C10orf90: variants seen among roughly 807,000 people sequenced by gnomAD.
The protein encoded by C10orf90 is chromosome 10 open reading frame 90, also known as (E2-independent) E3 ubiquitin-conjugating enzyme FATS.
In C10orf90, 56 loss-of-function variants were observed where a neutral mutation model predicts 62.5. The ratio of observed to expected loss-of-function variants is 0.90; its 90% confidence interval spans 0.72 to 1.12. C10orf90 has a LOEUF of 1.12. Ranked by LOEUF, C10orf90 falls within the 50% of genes most tolerant of loss-of-function variation. The pLI is 0.00. For synonymous variants in C10orf90, 386 were observed against 340.4 expected, an observed-to-expected ratio of 1.13 and a Z score of -1.47; for missense variants, 970 against 880.4, an observed-to-expected ratio of 1.10 and a Z score of -1.29.
intron 2 of C10orf90, among the ~76,000 whole-genome samples, chr10:126,530,308 A>C (rs1447404318): frequency 6.6e-6 from 1 of 152,154 alleles, no homozygotes; most frequent in Non-Finnish European, 1.5e-5. Flanking sequence ...AACTTGACAA[A>C]GTTAAAAGGC....
Position 126,654,436 on chromosome 10 carries a change from C to T in C10orf90, c.241-7799G>A, listed in dbSNP as rs140350406. On this transcript the variant is annotated intron_variant, in intron 1 of 9. Transcript: ENST00000488181. ...AACCTCATGAACCAACCTCTGCTAG[C>T]TTCAAACTTTTTTTCTGTATCTTCC... is the stretch of plus-strand genomic sequence containing the variant. Among the ~76,000 whole-genome samples the T allele has an allele frequency of 3.6e-3, 554 of 152,312 alleles. 2 individuals carry two copies. Among genetic ancestry groups the T allele is most frequent in the African/African-American group, 0.013 (534 of 41,566 alleles).
intron 2 of C10orf90, among the ~76,000 whole-genome samples, chr10:126,613,354 A>G (rs747919575): frequency 6.6e-6 from 1 of 151,932 alleles, no homozygotes; most frequent in Non-Finnish European, 1.5e-5. Context: ...CCCCCACCTC[A>G]GTCTCCTGAG....
intron 2 of C10orf90, among the ~76,000 whole-genome samples, chr10:126,549,446 T>G (rs1864578259): frequency 6.6e-6 from 1 of 152,074 alleles, no homozygotes; most frequent in South Asian, 2.1e-4. Flanking sequence ...GAAATGCAAA[T>G]TAATACCACA....
chr10:126,459,130 C>CT lies in C10orf90; in HGVS notation c.2097dup (p.Ala700SerfsTer31). ...TGCCTCAGGTCCTCCTTCCGCTGGGCTTTCCTCTGCTGGACCATGTGTTCA... is the reference window on the plus strand; with the variant it reads ...TGCCTCAGGTCCTCCTTCCGCTGGGCTTTTCCTCTGCTGGACCATGTGTTCA... On this transcript the variant is annotated frameshift_variant, in exon 7 of 10. Transcript: ENST00000488181. LOFTEE classifies it high-confidence loss of function. 6.2e-7 allele frequency: 1 copy of CT among 1,614,198 alleles called. No homozygotes were observed. Among genetic ancestry groups the CT allele is most frequent in the Non-Finnish European group, 8.5e-7 (1 of 1,180,044 alleles).
intron 2 of C10orf90, among the ~76,000 whole-genome samples, chr10:126,549,087 A>T (rs2133975456): frequency 6.6e-6 from 1 of 152,342 alleles, no homozygotes; most frequent in East Asian, 1.9e-4. Flanking sequence ...AAATCTTTGG[A>T]ATCTAAGGCT....
intron 1 of C10orf90, among the ~76,000 whole-genome samples, chr10:126,669,479 T>C (rs532547607): frequency 6.6e-6 from 1 of 152,230 alleles, no homozygotes; most frequent in Non-Finnish European, 1.5e-5. Flanking sequence ...GCATGTTACA[T>C]CTATCAAAAG....
chr10:126,630,528 A>G (rs1393835567), intron 2 of C10orf90, among the ~76,000 whole-genome samples: 2 of 152,120 alleles, frequency 1.3e-5, no homozygotes, highest in Non-Finnish European at 2.9e-5. Flanking sequence ...GAAAGGACAG[A>G]AACTTCACTC....
At chr10:126,517,354 G>A (rs1863488642) in intron 2 of C10orf90, among the ~76,000 whole-genome samples, 1 of 152,174 alleles carries the variant, frequency 6.6e-6, no homozygotes, top group African/African-American at 2.4e-5. Flanking sequence ...AATTGCCCTG[G>A]TTAAAGAAAC....
intron 2 of C10orf90, chr10:126,520,246 C>G (rs1863667889): frequency 6.6e-6 from 1 of 152,248 alleles, no homozygotes; most frequent in Non-Finnish European, 1.5e-5. Context: ...AGCTGGTGAC[C>G]CCACCAGCCT....
At chr10:126,595,116 G>C (rs2576025) in intron 2 of C10orf90, among the ~76,000 whole-genome samples, 16,809 of 152,148 alleles carry the variant, frequency 0.11, 1,649 homozygotes, top group African/African-American at 0.24. Context: ...ATTTCCAGAA[G>C]TCTTTAGCCT....
chr10:126,666,841 A>T (rs1344312851), intron 1 of C10orf90, among the ~76,000 whole-genome samples: 4 of 151,566 alleles, frequency 2.6e-5, no homozygotes, highest in African/African-American at 4.8e-5. Flanking sequence ...TTAGCCGGGC[A>T]TGGTGGCGGG....
chr10:126,448,181 A>G (rs1858922246), intron 7 of C10orf90, among the ~76,000 whole-genome samples: 1 of 151,832 alleles, frequency 6.6e-6, no homozygotes, highest in Admixed American at 6.6e-5. Context: ...CATATCAAGT[A>G]TCTTTTCTCA....
At chr10:126,655,920 G>C (rs12774828) in intron 1 of C10orf90, among the ~76,000 whole-genome samples, 3,379 of 151,986 alleles carry the variant, frequency 0.022, 63 homozygotes, top group Middle Eastern at 0.041. Flanking sequence ...CCTGGGCCTG[G>C]GGGGGAGAAG....
intron 2 of C10orf90, among the ~76,000 whole-genome samples, chr10:126,564,917 TATATAATATATAAA>T (rs1315449784): frequency 3.3e-4 from 4 of 11,994 alleles, no homozygotes; most frequent in Non-Finnish European, 5.9e-4. Flanking sequence ...ATATATATTA[TATATAATATATAAA>T]ATATAAAATA....
chr10:126,592,591 T>C (rs746767232), intron 2 of C10orf90, among the ~76,000 whole-genome samples: 4 of 152,174 alleles, frequency 2.6e-5, no homozygotes, highest in East Asian at 1.9e-4. Context: ...GTAAAAACCC[T>C]AGAAGAAAAC....
In C10orf90 at chr10:126,669,534, A is replaced by G. The variant is rs3750762; in HGVS notation, c.240+707T>C. ...ATGGGAGTCAATTACAATGTCGTTCATAATTTATTCCATGTACAATAAACA... is the reference window on the plus strand; with the variant it reads ...ATGGGAGTCAATTACAATGTCGTTCGTAATTTATTCCATGTACAATAAACA... On this transcript the variant is annotated intron_variant, in intron 1 of 9. Transcript: ENST00000488181. Among the ~76,000 whole-genome samples, 20 of 152,362 alleles carry G rather than the reference A, an allele frequency of 1.3e-4. No homozygotes were observed. In the East Asian group the frequency reaches 3.9e-3, roughly 29 times the overall value.
At chr10:126,495,601 C>T (rs902743799) in intron 4 of C10orf90, among the ~76,000 whole-genome samples, 1 of 152,172 alleles carries the variant, frequency 6.6e-6, no homozygotes, top group Admixed American at 6.5e-5. Context: ...GCTTTACCAT[C>T]TTTATTTCTT....
intron 4 of C10orf90, 34 bp downstream of exon 4, chr10:126,503,923 A>T: frequency 6.4e-7 from 1 of 1,568,196 alleles, no homozygotes; most frequent in Non-Finnish European, 8.6e-7. Context: ...ACATTTACTC[A>T]GGTCACCCTC....
At position 126,649,080 on chromosome 10, in the gene C10orf90, C is replaced by CT. The variant is rs67086616; in HGVS notation, c.241-2444_241-2443insA. On this transcript the variant is annotated intron_variant, in intron 1 of 9. Transcript: ENST00000488181. ...TCTCTCTCTCTCTCTCTCCCCCCCC[C>CT]CCAGCAATTCACAATGGATGGCAAA... is the stretch of plus-strand genomic sequence containing the variant. Among the ~76,000 whole-genome samples, 585 of 118,440 alleles carry CT rather than the reference C, an allele frequency of 4.9e-3. 3 individuals carry two copies. Among genetic ancestry groups the CT allele is most frequent in the Non-Finnish European group, 6.2e-3 (355 of 57,666 alleles). 77.7% of individuals were successfully genotyped at this position (118,440 alleles called of 152,430 possible).
Sources: allele counts gnomAD v4.1 joint callset (sites outside exome capture counted in the v4.1 genomes callset), GRCh38; gene constraint gnomAD v4.1.1; transcripts MANE v1.5; gene names NCBI Gene and HGNC (gene_info 2026-07-23, HGNC 2026-07-21).